RANBP17: variants seen among roughly 807,000 people sequenced by gnomAD.
RANBP17 encodes the protein ran-binding protein 17.
RANBP17 carries 158 observed loss-of-function variants against 141.2 expected under a neutral mutation model. The ratio of observed to expected loss-of-function variants is 1.12; its 90% confidence interval spans 0.98 to 1.28. RANBP17 has a LOEUF of 1.28. Among genes scored for constraint, RANBP17 ranks in the 50% most tolerant of loss-of-function variants. The pLI, the probability that RANBP17 is intolerant of heterozygous loss-of-function variation, is 0.00. For synonymous variants in RANBP17, 430 were observed against 450.0 expected (o/e 0.96, Z 0.56); for missense variants, 1,438 against 1,290.7 (o/e 1.11, Z -1.75).
intron 14 of RANBP17, among the ~76,000 whole-genome samples, chr5:171,064,267 G>T (rs943043655): frequency 6.6e-6 from 1 of 152,204 alleles, no homozygotes; most frequent in African/African-American, 2.4e-5. Context: ...CTCACGCTGG[G>T]AGCTGTAGAT....
chr5:170,865,762 A>G (rs1767201281), intron 1 of RANBP17, among the ~76,000 whole-genome samples: 1 of 152,198 alleles, frequency 6.6e-6, no homozygotes, highest in Non-Finnish European at 1.5e-5. Flanking sequence ...GGGGTTTCCC[A>G]AAACCACCCT....
intron 15 of RANBP17, 36 bp downstream of exon 15, chr5:171,170,239 T>C (rs951324133): frequency 4.8e-6 from 6 of 1,241,524 alleles, no homozygotes. Flanking sequence ...TTTTCTTTTG[T>C]TGTTGTTTTA....
intron 14 of RANBP17, among the ~76,000 whole-genome samples, chr5:171,137,428 C>CATTTGTA (rs1487900571): frequency 1.3e-5 from 2 of 152,060 alleles, no homozygotes. Flanking sequence ...CTAACTCCAG[C>CATTTGTA]ATTTGTATAA....
At chr5:170,927,953 T>G (rs549990166) in intron 12 of RANBP17, among the ~76,000 whole-genome samples, 1 of 152,140 alleles carries the variant, frequency 6.6e-6, no homozygotes, top group African/African-American at 2.4e-5. Flanking sequence ...ACTAAACAGT[T>G]TTATGAAGTG....
At chr5:170,871,654 G>A (rs1171163597) in intron 1 of RANBP17, among the ~76,000 whole-genome samples, 4 of 152,068 alleles carry the variant, frequency 2.6e-5, no homozygotes, top group African/African-American at 9.7e-5. Context: ...ATGGCTTTGG[G>A]TTTTGATTAA....
At chr5:171,282,454 ATGTTGTTGTTGTTGTTGTTGTTGT>A (rs11269694) in intron 25 of RANBP17, among the ~76,000 whole-genome samples, 4 of 149,448 alleles carry the variant, frequency 2.7e-5, no homozygotes, top group South Asian at 2.2e-4. Context: ...AGAAAGCTGC[ATGTTGTTGTTGTTGTTGTTGTTGT>A]TGTTGTTGTT....
intron 14 of RANBP17, among the ~76,000 whole-genome samples, chr5:170,991,470 A>G (rs1778505454): frequency 6.6e-6 from 1 of 151,986 alleles, no homozygotes; most frequent in East Asian, 1.9e-4. Flanking sequence ...TAGAGGCTAT[A>G]TATTCTAGAA....
chr5:170,998,091 G>GA (rs752377385), intron 14 of RANBP17, among the ~76,000 whole-genome samples: 616 of 120,154 alleles, frequency 5.1e-3, no homozygotes, highest in African/African-American at 6.3e-3. Context: ...CTCTACTGGA[G>GA]AAAAAAAAAA....
chr5:171,091,798 T>G (rs1046569338), intron 14 of RANBP17, among the ~76,000 whole-genome samples: 1 of 152,208 alleles, frequency 6.6e-6, no homozygotes, highest in Non-Finnish European at 1.5e-5. Context: ...GAGGCTTGCC[T>G]TTCACCTTTC....
At chr5:171,133,805 T>A (rs1757089257) in intron 14 of RANBP17, among the ~76,000 whole-genome samples, 2 of 152,210 alleles carry the variant, frequency 1.3e-5, no homozygotes, top group Admixed American at 1.3e-4. Context: ...GCAGTTCTTA[T>A]TTTGAAAAAG....
intron 13 of RANBP17, 146 bp downstream of exon 13, chr5:170,953,848 C>A: frequency 1.7e-6 from 1 of 591,982 alleles, no homozygotes; most frequent in African/African-American, 1.9e-5. Context: ...AAAACCAAGG[C>A]TCAAAGGTTA....
intron 14 of RANBP17, among the ~76,000 whole-genome samples, chr5:171,082,484 G>GTAT (rs1191091821): frequency 6.6e-6 from 1 of 152,118 alleles, no homozygotes; most frequent in Non-Finnish European, 1.5e-5. Flanking sequence ...TATAATCAAT[G>GTAT]TATGCATCTC....
intron 14 of RANBP17, among the ~76,000 whole-genome samples, chr5:171,081,487 G>A (rs1366594791): frequency 6.6e-6 from 1 of 152,152 alleles, no homozygotes; most frequent in African/African-American, 2.4e-5. Context: ...AACGTATCAT[G>A]TAGTGTCCTT....
rs151106396 is a variant in RANBP17 at position 170,923,939 on chromosome 5, T to C, written c.1275-418T>C. ...TACATAATCATGCCATCTTCAGATA[T>C]AGACAGTTTTATTTTTTACCTTCTA... On this transcript the variant is annotated intron_variant, in intron 11 of 27. Coordinates refer to ENST00000523189, the MANE Select transcript of RANBP17 (RefSeq NM_022897.5). Among the ~76,000 whole-genome samples the C allele has an allele frequency of 4.1e-3, 621 of 152,204 alleles. 5 individuals are homozygous for C. Among genetic ancestry groups the C allele is most frequent in the African/African-American group, 0.014 (599 of 41,576 alleles).
chr5:170,952,480 T>G (rs942949973), intron 12 of RANBP17, among the ~76,000 whole-genome samples: 2 of 152,066 alleles, frequency 1.3e-5, no homozygotes, highest in Admixed American at 1.3e-4. Flanking sequence ...GGTTGATATG[T>G]CTCACCAAAA....
intron 14 of RANBP17, among the ~76,000 whole-genome samples, chr5:171,043,036 A>G (rs1292278229): frequency 1.3e-5 from 2 of 152,188 alleles, no homozygotes; most frequent in Admixed American, 1.3e-4. Context: ...GTATTGATTG[A>G]TGACTACTTT....
At chr5:171,102,317 G>A (rs1405489508) in intron 14 of RANBP17, among the ~76,000 whole-genome samples, 3 of 151,718 alleles carry the variant, frequency 2.0e-5, no homozygotes, top group Non-Finnish European at 4.4e-5. Context: ...CTCTAATCTT[G>A]TCTTTACACT....
chr5:171,066,438 A>T (rs1784317213), intron 14 of RANBP17, among the ~76,000 whole-genome samples: 1 of 152,164 alleles, frequency 6.6e-6, no homozygotes, highest in Admixed American at 6.5e-5. Flanking sequence ...TTCTGTGGAT[A>T]GCTTATTTCA....
rs1232748040 is a variant in RANBP17, at chr5:171,122,106, G to T, written c.1711-48024G>T. ...TCCCTGCAATAGGACCTCCCTCATGGCTCTACGCAGATCCAGTCCACACAG... is the reference window on the plus strand; with the variant it reads ...TCCCTGCAATAGGACCTCCCTCATGTCTCTACGCAGATCCAGTCCACACAG... On this transcript the variant is annotated intron_variant, in intron 14 of 27. Transcript: ENST00000523189. 5.3e-5 allele frequency among the ~76,000 whole-genome samples: 8 copies of T among 152,234 alleles called. No individual in the cohort carries two copies. The East Asian group carries it at 7.7e-4, about 15-fold the overall frequency.
Sources: gnomAD v4.1 joint callset for allele counts (sites outside exome capture counted in the v4.1 genomes callset) on GRCh38, gnomAD v4.1.1 for gene constraint, MANE v1.5 for transcripts, NCBI Gene and HGNC (gene_info 2026-07-23, HGNC 2026-07-21) for gene names.